The following SRGAP2B variants were observed in gnomAD, a reference collection of about 807,000 sequenced individuals.
SRGAP2B encodes the protein SLIT-ROBO Rho GTPase activating protein 2B.
SRGAP2B carries 9 observed loss-of-function variants against 22.2 expected under a neutral mutation model. That is an observed-to-expected ratio of 0.41 (90% CI 0.24 to 0.71). The LOEUF (loss-of-function observed/expected upper bound fraction) is 0.71, where lower values mean the gene tolerates loss of function less well. Ranked by LOEUF, SRGAP2B falls within the 30% of genes least tolerant of loss-of-function variation. The pLI is 0.35. For synonymous variants in SRGAP2B, 36 were observed against 87.4 expected (o/e 0.41, Z 3.28); for missense variants, 114 against 235.8 (o/e 0.48, Z 3.38).
intron 4 of SRGAP2B, among the ~76,000 whole-genome samples, chr1:144,921,464 C>CTT (rs1664249037): frequency 7.7e-6 from 1 of 129,574 alleles, no homozygotes; most frequent in African/African-American, 3.1e-5. Context: ...TTGTAAGCAC[C>CTT]ATAAAAAACA....
intron 2 of SRGAP2B, among the ~76,000 whole-genome samples, chr1:145,000,032 G>A (rs1472979136): frequency 6.1e-5 from 9 of 148,340 alleles, no homozygotes; most frequent in Non-Finnish European, 1.2e-4. Context: ...CCAGTGAAGG[G>A]GAAAATAACC....
At chr1:144,956,095 A>C (rs1211943626) in intron 3 of SRGAP2B, among the ~76,000 whole-genome samples, 1 of 150,180 alleles carries the variant, frequency 6.7e-6, no homozygotes, top group African/African-American at 2.5e-5. Context: ...GGTGATTCTG[A>C]AGTCCATCAT....
At chr1:144,913,626 TCTACC>T (rs1321040732) in intron 5 of SRGAP2B, among the ~76,000 whole-genome samples, 1 of 98,278 alleles carries the variant, frequency 1.0e-5, no homozygotes, top group Non-Finnish European at 2.0e-5. Flanking sequence ...AGATGACTAC[TCTACC>T]CTATTTACTT....
At chr1:145,045,288 C>T (rs1353370394) in intron 2 of SRGAP2B, among the ~76,000 whole-genome samples, 1 of 115,304 alleles carries the variant, frequency 8.7e-6, no homozygotes, top group African/African-American at 3.6e-5. Flanking sequence ...CGGAGCGAGA[C>T]TCCGCCTCAA....
intron 2 of SRGAP2B, among the ~76,000 whole-genome samples, chr1:145,072,823 C>T (rs1489640620): frequency 6.7e-6 from 1 of 148,346 alleles, no homozygotes; most frequent in African/African-American, 2.6e-5. Context: ...CACCCCGAAA[C>T]AGCACCAGCA....
chr1:144,926,582 T>C, intron 4 of SRGAP2B, among the ~76,000 whole-genome samples: 1 of 151,538 alleles, frequency 6.6e-6, no homozygotes, highest in African/African-American at 2.4e-5. Flanking sequence ...GTTGGCCTGG[T>C]GTGGTGGCTC....
At chr1:145,064,271 C>G (rs1177132832) in intron 2 of SRGAP2B, among the ~76,000 whole-genome samples, 9 of 146,856 alleles carry the variant, frequency 6.1e-5, no homozygotes, top group Admixed American at 6.0e-4. Flanking sequence ...GTAGACAAAA[C>G]ACAGGAAGCC....
chr1:145,030,667 A>G (rs1648181431), intron 2 of SRGAP2B, among the ~76,000 whole-genome samples: 1 of 83,462 alleles, frequency 1.2e-5, no homozygotes, highest in Non-Finnish European at 2.1e-5. Flanking sequence ...AAACCTGCAC[A>G]TTGTGCATAT....
At chr1:144,922,934 G>A (rs1454175425) in intron 4 of SRGAP2B, among the ~76,000 whole-genome samples, 7 of 151,278 alleles carry the variant, frequency 4.6e-5, no homozygotes, top group African/African-American at 1.5e-4. Flanking sequence ...GCCCTGGGAG[G>A]AAATCCATTC....
At chr1:145,065,189 T>C (rs1446088342) in intron 2 of SRGAP2B, among the ~76,000 whole-genome samples, 2 of 152,024 alleles carry the variant, frequency 1.3e-5, no homozygotes, top group African/African-American at 4.8e-5. Flanking sequence ...GCTATGAAAG[T>C]TTCAATTATA....
At chr1:144,911,768 C>T (rs1184369920) in intron 5 of SRGAP2B, among the ~76,000 whole-genome samples, 1 of 147,236 alleles carries the variant, frequency 6.8e-6, no homozygotes, top group African/African-American at 2.6e-5. Flanking sequence ...TAGGCACCCA[C>T]CACCATGCCC....
chr1:145,068,220 A>AG (rs1651717894), intron 2 of SRGAP2B, among the ~76,000 whole-genome samples: 1 of 146,328 alleles, frequency 6.8e-6, no homozygotes. Context: ...AAAAAAAAAA[A>AG]AAAAAAACAA....
In SRGAP2B at chr1:144,944,410, C is replaced by G. The variant is rs1487685172; in HGVS notation, c.423+11029G>C. On this transcript the variant is annotated intron_variant, in intron 4 of 9. Coordinates refer to ENST00000612199, the Ensembl canonical transcript of SRGAP2B. ...CCAGAGTTCAAGCCTAGCCTGGGCACCACAGCGAGACCCCATCTCTAAAAA... is the reference window on the plus strand; with the variant it reads ...CCAGAGTTCAAGCCTAGCCTGGGCAGCACAGCGAGACCCCATCTCTAAAAA... Among the ~76,000 whole-genome samples, 8 of 149,332 alleles carry G rather than the reference C, an allele frequency of 5.4e-5. 1 individual carries two copies. The South Asian group carries it at 1.7e-3, about 31-fold the overall frequency.
At chr1:144,969,986 G>T (rs1461937721) in intron 3 of SRGAP2B, among the ~76,000 whole-genome samples, 5 of 150,472 alleles carry the variant, frequency 3.3e-5, no homozygotes, top group Non-Finnish European at 7.4e-5. Context: ...TCATTAAAAA[G>T]TCAGGAAACA....
chr1:145,035,744 C>T (rs1335388606), intron 2 of SRGAP2B, among the ~76,000 whole-genome samples: 1 of 113,066 alleles, frequency 8.8e-6, no homozygotes, highest in Non-Finnish European at 1.8e-5. Context: ...ATCAGGAGAA[C>T]CTTTATAGGA....
At chr1:145,030,763 T>TAG (rs1648238777) in intron 2 of SRGAP2B, among the ~76,000 whole-genome samples, 1 of 57,194 alleles carries the variant, frequency 1.7e-5, no homozygotes, top group Non-Finnish European at 3.4e-5. Flanking sequence ...TATATATATA[T>TAG]AGTCCATGTT....
intron 3 of SRGAP2B, among the ~76,000 whole-genome samples, chr1:144,970,526 T>C (rs1553613071): frequency 6.5e-5 from 7 of 107,614 alleles, no homozygotes; most frequent in African/African-American, 1.5e-4. Flanking sequence ...AGGGATAGCA[T>C]TGGGAGATAT....
chr1:144,966,223 G>A (rs1191714632), intron 3 of SRGAP2B, among the ~76,000 whole-genome samples: 4 of 149,588 alleles, frequency 2.7e-5, no homozygotes, highest in African/African-American at 1.0e-4. Context: ...AGGAAAAAAT[G>A]TTAAGGGCAG....
At chr1:144,950,734 T>C (rs1666792161) in intron 4 of SRGAP2B, among the ~76,000 whole-genome samples, 1 of 149,822 alleles carries the variant, frequency 6.7e-6, no homozygotes, top group African/African-American at 2.5e-5. Flanking sequence ...TTTTCTCTTC[T>C]CTGTACAACA....
Sources: allele counts gnomAD v4.1 joint callset (sites outside exome capture counted in the v4.1 genomes callset), GRCh38; gene constraint gnomAD v4.1.1; transcripts MANE v1.5; gene names NCBI Gene and HGNC (gene_info 2026-07-23, HGNC 2026-07-21).